TTC28: variants seen among roughly 807,000 people sequenced by gnomAD.
The protein encoded by TTC28 is tetratricopeptide repeat domain 28.
A neutral mutation model predicts 198.0 loss-of-function variants in TTC28; 61 were observed. That is an observed-to-expected ratio of 0.31 (90% confidence interval 0.25 to 0.38). The LOEUF (loss-of-function observed/expected upper bound fraction) is 0.38. Among genes scored for constraint, TTC28 ranks in the 10% least tolerant of loss-of-function variants. The pLI, the probability that TTC28 is intolerant of heterozygous loss-of-function variation, is 1.00. For synonymous variants in TTC28, 1,171 were observed against 1,297.8 expected (o/e 0.90, Z 2.10); for missense variants, 2,678 against 3,164.0 (o/e 0.85, Z 3.69).
chr22:28,473,575 G>T (rs1190449814), intron 2 of TTC28, among the ~76,000 whole-genome samples: 1 of 152,128 alleles, frequency 6.6e-6, no homozygotes, highest in Non-Finnish European at 1.5e-5. Flanking sequence ...TTAAAAGTGG[G>T]TCTAAATATG....
At chr22:28,644,549 C>T (rs996981725) in intron 1 of TTC28, among the ~76,000 whole-genome samples, 9 of 152,254 alleles carry the variant, frequency 5.9e-5, no homozygotes, top group South Asian at 4.2e-4. Context: ...CCAGGCTGGG[C>T]GCAGTGGCTC....
intron 2 of TTC28, among the ~76,000 whole-genome samples, chr22:28,536,465 A>C (rs1002492135): frequency 1.3e-5 from 2 of 151,844 alleles, no homozygotes; most frequent in Non-Finnish European, 2.9e-5. Flanking sequence ...TCTACTAAAA[A>C]TACAAAAAAT....
At chr22:28,178,756 A>C (rs1923421203) in intron 5 of TTC28, among the ~76,000 whole-genome samples, 1 of 152,230 alleles carries the variant, frequency 6.6e-6, no homozygotes, top group Non-Finnish European at 1.5e-5. Flanking sequence ...CATTATAATA[A>C]ACCTTTTAAG....
chr22:28,192,295 C>T (rs1052460986), intron 5 of TTC28, among the ~76,000 whole-genome samples: 4 of 151,916 alleles, frequency 2.6e-5, no homozygotes, highest in Non-Finnish European at 5.9e-5. Context: ...CTGTATGTCA[C>T]CATCATCAAA....
At chr22:28,095,499 A>G (rs571098206) in intron 11 of TTC28, among the ~76,000 whole-genome samples, 1 of 152,320 alleles carries the variant, frequency 6.6e-6, no homozygotes, top group African/African-American at 2.4e-5. Flanking sequence ...ATTACCAATT[A>G]TAAGATCCAC....
At chr22:28,391,169 C>A (rs2046712776) in intron 2 of TTC28, among the ~76,000 whole-genome samples, 1 of 152,078 alleles carries the variant, frequency 6.6e-6, no homozygotes, top group African/African-American at 2.4e-5. Context: ...GAATATTGGC[C>A]CCCACTCTCT....
At chr22:28,455,705 CTCTT>C (rs1036312339) in intron 2 of TTC28, among the ~76,000 whole-genome samples, 1 of 148,600 alleles carries the variant, frequency 6.7e-6, no homozygotes, top group Non-Finnish European at 1.5e-5. Context: ...CAAAGTGAGA[CTCTT>C]TCCCAAAAAA....
At chr22:28,667,319 G>A (rs1446635797) in intron 1 of TTC28, among the ~76,000 whole-genome samples, 1 of 11,340 alleles carries the variant, frequency 8.8e-5, no homozygotes, top group Non-Finnish European at 1.5e-4. Flanking sequence ...GCAGGAGAAG[G>A]AAATAAAGGG....
chr22:28,080,225 C>G (rs1037326481), intron 12 of TTC28, among the ~76,000 whole-genome samples: 1 of 152,118 alleles, frequency 6.6e-6, no homozygotes, highest in Non-Finnish European at 1.5e-5. Context: ...GGGATTGTTG[C>G]ATTGTACACT....
intron 2 of TTC28, among the ~76,000 whole-genome samples, chr22:28,322,477 A>G (rs1260062630): frequency 1.3e-5 from 2 of 152,304 alleles, no homozygotes; most frequent in East Asian, 3.9e-4. Flanking sequence ...ATGATCATTA[A>G]TGTTTATTTT....
At chr22:28,277,824 C>T (rs977890737) in intron 5 of TTC28, among the ~76,000 whole-genome samples, 4 of 152,090 alleles carry the variant, frequency 2.6e-5, no homozygotes, top group African/African-American at 9.7e-5. Context: ...TCCAATCTGG[C>T]CCCGAGGATC....
intron 12 of TTC28, among the ~76,000 whole-genome samples, chr22:28,034,751 G>A (rs1269363105): frequency 6.6e-6 from 1 of 152,224 alleles, no homozygotes; most frequent in Non-Finnish European, 1.5e-5. Flanking sequence ...CCTGGCGAGG[G>A]CTGAGAGGGG....
intron 2 of TTC28, among the ~76,000 whole-genome samples, chr22:28,567,400 GA>G (rs1467572069): frequency 8.5e-5 from 10 of 117,200 alleles, no homozygotes; most frequent in African/African-American, 1.9e-4. Context: ...AAAAAAAAAA[GA>G]AAAAAATATA....
intron 8 of TTC28, among the ~76,000 whole-genome samples, chr22:28,101,613 C>T (rs890758113): frequency 1.3e-4 from 19 of 151,806 alleles, no homozygotes; most frequent in African/African-American, 4.4e-4. Flanking sequence ...AAGTGATCCA[C>T]CCACCCCGGT....
chr22:28,068,779 T>C (rs1392049153), intron 12 of TTC28, among the ~76,000 whole-genome samples: 3 of 152,208 alleles, frequency 2.0e-5, no homozygotes, highest in Non-Finnish European at 2.9e-5. Context: ...ATATGAACTA[T>C]TTTTATTTCA....
At chr22:28,648,421 T>C (rs1206857972) in intron 1 of TTC28, among the ~76,000 whole-genome samples, 1 of 152,180 alleles carries the variant, frequency 6.6e-6, no homozygotes, top group Admixed American at 6.5e-5. Context: ...AACATCTGTG[T>C]AAAACAGTAT....
At chr22:28,443,170 C>A (rs566955037) in intron 2 of TTC28, 3 of 152,228 alleles carry the variant, frequency 2.0e-5, no homozygotes, top group Non-Finnish European at 4.4e-5. Flanking sequence ...CAGAGCGGGG[C>A]ATTTTCCCGG....
chr22:28,325,445 A>C (rs1053538871), intron 2 of TTC28, among the ~76,000 whole-genome samples: 4 of 152,116 alleles, frequency 2.6e-5, no homozygotes, highest in Non-Finnish European at 5.9e-5. Flanking sequence ...AAAATTTTTA[A>C]AAATTAACAC....
chr22:28,415,617 C>A (rs2047156916), intron 2 of TTC28, among the ~76,000 whole-genome samples: 1 of 152,182 alleles, frequency 6.6e-6, no homozygotes, highest in Non-Finnish European at 1.5e-5. Context: ...ACACAACAGT[C>A]CTCTGAGACA....
Sources: gnomAD v4.1 joint callset for allele counts (sites outside exome capture counted in the v4.1 genomes callset) on GRCh38, gnomAD v4.1.1 for gene constraint, MANE v1.5 for transcripts, NCBI Gene and HGNC (gene_info 2026-07-23, HGNC 2026-07-21) for gene names.